The following BLTP3B variants were observed in gnomAD, a reference collection of about 807,000 sequenced individuals.
The protein encoded by BLTP3B is bridge-like lipid transfer protein family member 3B, also known as UHRF1 (ICBP90) binding protein 1-like.
chr12:100,135,964 G>T, the BLTP3B span, among the ~76,000 whole-genome samples: 1 of 152,094 alleles, frequency 6.6e-6, no homozygotes, highest in Non-Finnish European at 1.5e-5. Flanking sequence ...TGTAATCCCA[G>T]CACTTTGGGA....
At chr12:100,133,565 T>C in the BLTP3B span, among the ~76,000 whole-genome samples, 1 of 152,112 alleles carries the variant, frequency 6.6e-6, no homozygotes, top group African/African-American at 2.4e-5. Context: ...GAAAAATCAA[T>C]GAAAAGGGTA....
the BLTP3B span, among the ~76,000 whole-genome samples, chr12:100,085,700 C>T: frequency 6.6e-6 from 1 of 152,072 alleles, no homozygotes; most frequent in African/African-American, 2.4e-5. Flanking sequence ...ATGCTAAATA[C>T]TAACAGAAGG....
At chr12:100,041,368 G>T in the BLTP3B span, among the ~76,000 whole-genome samples, 1 of 149,868 alleles carries the variant, frequency 6.7e-6, no homozygotes, top group Admixed American at 6.6e-5. Context: ...AGTGGTGAAA[G>T]ACTAGACTCT....
chr12:100,048,542 C>T, the BLTP3B span, among the ~76,000 whole-genome samples: 1 of 151,980 alleles, frequency 6.6e-6, no homozygotes, highest in Non-Finnish European at 1.5e-5. Flanking sequence ...ATAAGTCAGA[C>T]ATTTAAAGTG....
chr12:100,080,047 A>C, the BLTP3B span, among the ~76,000 whole-genome samples: 2 of 152,218 alleles, frequency 1.3e-5, no homozygotes, highest in East Asian at 3.9e-4. Flanking sequence ...CTGGATGCCC[A>C]GGCAGAATTT....
the BLTP3B span, among the ~76,000 whole-genome samples, chr12:100,105,342 T>C: frequency 6.6e-6 from 1 of 151,946 alleles, no homozygotes; most frequent in Non-Finnish European, 1.5e-5. Context: ...TTGAACAGAA[T>C]ACACAGGCCA....
chr12:100,077,205 ATGTT>A, the BLTP3B span, among the ~76,000 whole-genome samples: 15 of 152,298 alleles, frequency 9.8e-5, no homozygotes, highest in African/African-American at 3.1e-4. Context: ...TATATTTTCT[ATGTT>A]TGGTAAGGTT....
chr12:100,117,710 A>C, the BLTP3B span, among the ~76,000 whole-genome samples: 3 of 152,090 alleles, frequency 2.0e-5, no homozygotes, highest in Admixed American at 2.0e-4. Flanking sequence ...TGTGTTGCCC[A>C]GGCTGGTCTC....
At chr12:100,108,571 A>T in the BLTP3B span, 2 of 1,583,946 alleles carry the variant, frequency 1.3e-6, no homozygotes, top group Non-Finnish European at 8.6e-7. Flanking sequence ...ACACATTGAC[A>T]TTTATTTATG....
the BLTP3B span, among the ~76,000 whole-genome samples, chr12:100,062,811 A>G: frequency 4.6e-5 from 7 of 152,022 alleles, no homozygotes; most frequent in Non-Finnish European, 8.8e-5. Flanking sequence ...AAAATTTAAA[A>G]TTAGCTGGAC....
At chr12:100,130,599 T>C in the BLTP3B span, among the ~76,000 whole-genome samples, 1 of 152,134 alleles carries the variant, frequency 6.6e-6, no homozygotes, top group Non-Finnish European at 1.5e-5. Flanking sequence ...TTCAGTTATA[T>C]ATAAAGTTGC....
the BLTP3B span, among the ~76,000 whole-genome samples, chr12:100,124,455 T>A: frequency 1.3e-5 from 2 of 151,374 alleles, no homozygotes; most frequent in Non-Finnish European, 2.9e-5. Context: ...TTAAAAAAAA[T>A]AAAAATTAGC....
chr12:100,109,110 GGAGT>G, the BLTP3B span, among the ~76,000 whole-genome samples: 1 of 142,348 alleles, frequency 7.0e-6, no homozygotes, highest in South Asian at 2.2e-4. Context: ...TGATAGTTAG[GGAGT>G]GAGTTCTCAC....
chr12:100,079,120 T>C, the BLTP3B span, among the ~76,000 whole-genome samples: 1 of 152,164 alleles, frequency 6.6e-6, no homozygotes, highest in Non-Finnish European at 1.5e-5. Flanking sequence ...TATGTCTTTA[T>C]CAGCAGTGTG....
chr12:100,137,019 C>G, the BLTP3B span, among the ~76,000 whole-genome samples: 19 of 152,142 alleles, frequency 1.2e-4, no homozygotes, highest in Admixed American at 4.6e-4. Context: ...CCGTGTTGGT[C>G]AGACTGGTCT....
the BLTP3B span, among the ~76,000 whole-genome samples, chr12:100,134,500 C>A: frequency 6.6e-6 from 1 of 151,958 alleles, no homozygotes. Context: ...GCCTGTAATT[C>A]CAGCCACTCG....
At chr12:100,107,934 G>A in the BLTP3B span, among the ~76,000 whole-genome samples, 1 of 151,944 alleles carries the variant, frequency 6.6e-6, no homozygotes, top group Non-Finnish European at 1.5e-5. Context: ...TATAGATGCA[G>A]TCTCATTATG....
the BLTP3B span, among the ~76,000 whole-genome samples, chr12:100,107,629 G>A: frequency 1.3e-5 from 2 of 151,806 alleles, no homozygotes; most frequent in South Asian, 2.1e-4. Context: ...GCAAGACTCC[G>A]TCTCAAAAAA....
chr12:100,038,563 C>T, the BLTP3B span, among the ~76,000 whole-genome samples: 7 of 152,052 alleles, frequency 4.6e-5, no homozygotes, highest in Admixed American at 1.3e-4. Flanking sequence ...CTCGAACTCG[C>T]GACCTCAGGT....
Sources: gnomAD v4.1 joint callset for allele counts (sites outside exome capture counted in the v4.1 genomes callset) on GRCh38, gnomAD v4.1.1 for gene constraint, MANE v1.5 for transcripts, NCBI Gene and HGNC (gene_info 2026-07-23, HGNC 2026-07-21) for gene names.